Variants in THSD7B observed in about 807,000 individuals in gnomAD.
THSD7B encodes the protein thrombospondin type 1 domain containing 7B.
THSD7B carries 138 observed loss-of-function variants against 213.6 expected under a neutral mutation model. That is an observed-to-expected ratio of 0.65 (90% confidence interval 0.56 to 0.74). The LOEUF (loss-of-function observed/expected upper bound fraction) is 0.74. THSD7B is among the 30% of genes least tolerant of loss of function. The pLI is 0.00. For synonymous variants in THSD7B, 742 were observed against 687.0 expected, an observed-to-expected ratio of 1.08 and a Z score of -1.25; for missense variants, 1,931 against 1,991.5, an observed-to-expected ratio of 0.97 and a Z score of 0.58.
At chr2:137,079,998 C>G (rs1687709886) in intron 3 of THSD7B, among the ~76,000 whole-genome samples, 1 of 151,984 alleles carries the variant, frequency 6.6e-6, no homozygotes, top group South Asian at 2.1e-4. Context: ...CACCACCACT[C>G]TCTGCTAATT....
At chr2:136,842,684 G>T (rs1682937838) in intron 1 of THSD7B, among the ~76,000 whole-genome samples, 1 of 152,124 alleles carries the variant, frequency 6.6e-6, no homozygotes. Context: ...TTCACTAAGG[G>T]AGCAATAATT....
intron 16 of THSD7B, among the ~76,000 whole-genome samples, chr2:137,569,199 G>A (rs1269416955): frequency 6.6e-6 from 1 of 152,190 alleles, no homozygotes; most frequent in African/African-American, 2.4e-5. Context: ...CAAGGAAAGA[G>A]ATTCTTCTCT....
intron 5 of THSD7B, among the ~76,000 whole-genome samples, chr2:137,118,154 G>A: frequency 6.6e-6 from 1 of 152,170 alleles, no homozygotes; most frequent in East Asian, 1.9e-4. Flanking sequence ...AACACTTGTT[G>A]TTTTAAAGAG....
intron 1 of THSD7B, among the ~76,000 whole-genome samples, chr2:136,833,669 T>C (rs550956913): frequency 1.3e-5 from 2 of 152,054 alleles, no homozygotes; most frequent in Non-Finnish European, 2.9e-5. Context: ...GGAGCCTAGT[T>C]TATAGAAGGG....
chr2:136,775,754 A>C (rs776383204), intron 1 of THSD7B, among the ~76,000 whole-genome samples: 2 of 152,120 alleles, frequency 1.3e-5, no homozygotes, highest in African/African-American at 2.4e-5. Flanking sequence ...AATGCTATAT[A>C]AGCTGCAGAG....
rs576299758 is a variant in THSD7B, at chr2:137,111,164, A to G, written c.1200-3960A>G. Among the ~76,000 whole-genome samples the G allele has an allele frequency of 3.3e-5, 5 of 152,320 alleles. No individual in the cohort carries two copies. The South Asian group carries it at 6.2e-4, about 19-fold the overall frequency. ...TCTCATTATAAAATGATTATCATAT[A>G]TTCTCGAACTGTACTTGTATTTGAG... On this transcript the variant is annotated intron_variant, in intron 4 of 27. Transcript: ENST00000409968.
intron 15 of THSD7B, among the ~76,000 whole-genome samples, chr2:137,559,991 C>A (rs967185718): frequency 1.1e-3 from 173 of 152,240 alleles, no homozygotes; most frequent in African/African-American, 3.9e-3. Context: ...CAGAGAAATG[C>A]AAATCAAAAC....
chr2:137,026,152 C>G (rs971586340), intron 2 of THSD7B, among the ~76,000 whole-genome samples: 3 of 152,226 alleles, frequency 2.0e-5, no homozygotes, highest in Admixed American at 1.3e-4. Context: ...CATGGCAATT[C>G]CTATTCAGAG....
intron 5 of THSD7B, among the ~76,000 whole-genome samples, chr2:137,120,293 T>C (rs980263148): frequency 5.3e-5 from 8 of 152,032 alleles, no homozygotes; most frequent in Non-Finnish European, 8.8e-5. Flanking sequence ...ATTATTAACA[T>C]GCAGATCTCT....
At position 137,019,063 on chromosome 2, in the gene THSD7B, A is replaced by G. The variant is rs549514557; in HGVS notation, c.140-37357A>G. Among the ~76,000 whole-genome samples, 235 of 152,064 alleles carry G rather than the reference A, an allele frequency of 1.5e-3. 4 individuals carry two copies. Among genetic ancestry groups the G allele is most frequent in the South Asian group, 0.011 (54 of 4,820 alleles). ...CAGTAAGTTACTACATATTTTAATC[A>G]TTTCTAAGGAATGGTTCTCAAATAT... On this transcript the variant is annotated intron_variant, in intron 2 of 27. Coordinates refer to ENST00000409968, the MANE Select transcript of THSD7B (RefSeq NM_001316349.2).
intron 15 of THSD7B, among the ~76,000 whole-genome samples, chr2:137,524,572 T>C (rs1169642602): frequency 6.6e-6 from 1 of 152,098 alleles, no homozygotes; most frequent in Non-Finnish European, 1.5e-5. Flanking sequence ...TCAACTGCCG[T>C]GAATAAATGT....
chr2:136,932,952 G>T (rs183347321), intron 2 of THSD7B, among the ~76,000 whole-genome samples: 5 of 152,258 alleles, frequency 3.3e-5, no homozygotes, highest in East Asian at 1.9e-4. Context: ...GAGGCAGTAG[G>T]GTCGACTTGG....
chr2:137,281,549 C>A (rs1378947516), intron 12 of THSD7B, among the ~76,000 whole-genome samples: 1 of 150,822 alleles, frequency 6.6e-6, no homozygotes, highest in Non-Finnish European at 1.5e-5. Flanking sequence ...CCAATGCTAT[C>A]CCCCCACCCC....
At chr2:137,020,668 G>A (rs1192681002) in intron 2 of THSD7B, among the ~76,000 whole-genome samples, 3 of 152,160 alleles carry the variant, frequency 2.0e-5, no homozygotes, top group Non-Finnish European at 4.4e-5. Flanking sequence ...CCTCCAGGCA[G>A]CTGGATTATG....
intron 10 of THSD7B, among the ~76,000 whole-genome samples, chr2:137,250,776 G>A (rs1035422514): frequency 1.3e-5 from 2 of 152,280 alleles, no homozygotes; most frequent in Non-Finnish European, 1.5e-5. Context: ...GTGCTATGAA[G>A]GTCAGGGCAC....
At chr2:137,419,624 T>C (rs1686879837) in intron 14 of THSD7B, among the ~76,000 whole-genome samples, 1 of 151,354 alleles carries the variant, frequency 6.6e-6, no homozygotes, top group African/African-American at 2.4e-5. Flanking sequence ...CACTCAAAGG[T>C]GGGCACAACA....
intron 17 of THSD7B, among the ~76,000 whole-genome samples, chr2:137,587,741 C>T (rs1244916056): frequency 6.6e-6 from 1 of 152,202 alleles, no homozygotes; most frequent in Admixed American, 6.5e-5. Flanking sequence ...TGTCAATCTG[C>T]CCCTACTGGG....
At chr2:137,332,526 G>A (rs1447983596) in intron 12 of THSD7B, among the ~76,000 whole-genome samples, 1 of 152,226 alleles carries the variant, frequency 6.6e-6, no homozygotes, top group East Asian at 1.9e-4. Flanking sequence ...GTTTAATGCT[G>A]GAATGAGCTA....
chr2:137,439,530 T>G (rs375458752), intron 14 of THSD7B, among the ~76,000 whole-genome samples: 1 of 141,650 alleles, frequency 7.1e-6, no homozygotes, highest in African/African-American at 2.5e-5. Flanking sequence ...GAAGTCTAAA[T>G]GTAAATCTCT....
Sources: gnomAD v4.1 joint callset for allele counts (sites outside exome capture counted in the v4.1 genomes callset) on GRCh38, gnomAD v4.1.1 for gene constraint, MANE v1.5 for transcripts, NCBI Gene and HGNC (gene_info 2026-07-23, HGNC 2026-07-21) for gene names.